FNDC3B: variants seen among roughly 807,000 people sequenced by gnomAD.
The protein encoded by FNDC3B is fibronectin type III domain containing 3B, also known as fibronectin type III domain-containing protein 3B.
Under a neutral mutation model 151.5 loss-of-function variants are expected in FNDC3B, and 12 were observed. That is an observed-to-expected ratio of 0.08 (90% CI 0.05 to 0.13). FNDC3B has a LOEUF of 0.13. Among genes scored for constraint, FNDC3B ranks in the 10% least tolerant of loss-of-function variants. The probability of loss-of-function intolerance (pLI) is 1.00; values close to 1 mark genes in which losing one functional copy is unlikely to be tolerated. For synonymous variants in FNDC3B, 528 were observed against 549.0 expected, an observed-to-expected ratio of 0.96 and a Z score of 0.54; for missense variants, 1,214 against 1,505.3, an observed-to-expected ratio of 0.81 and a Z score of 3.20.
chr3:172,151,040 C>T (rs1367613983), intron 3 of FNDC3B, among the ~76,000 whole-genome samples: 1 of 152,114 alleles, frequency 6.6e-6, no homozygotes, highest in Non-Finnish European at 1.5e-5. Flanking sequence ...AGAAATATGA[C>T]TAATTTGTTT....
intron 4 of FNDC3B, among the ~76,000 whole-genome samples, chr3:172,229,701 A>G (rs1460296165): frequency 2.0e-5 from 3 of 152,220 alleles, no homozygotes; most frequent in African/African-American, 7.2e-5. Context: ...GGTACTTGCT[A>G]AATGTTTCTA....
intron 7 of FNDC3B, among the ~76,000 whole-genome samples, chr3:172,292,839 T>G (rs564318221): frequency 6.6e-6 from 1 of 152,370 alleles, no homozygotes; most frequent in South Asian, 2.1e-4. Context: ...TACTGTTGTA[T>G]GTTGGAAATG....
chr3:172,061,960 C>T (rs977345835), intron 1 of FNDC3B, among the ~76,000 whole-genome samples: 7 of 152,178 alleles, frequency 4.6e-5, no homozygotes, highest in African/African-American at 1.7e-4. Flanking sequence ...CTAGGGGACA[C>T]TTATCAAAAA....
rs573268425 is a variant in FNDC3B at position 172,226,900 on chromosome 3, A to G, written c.217A>G (p.Asn73Asp). 5 of 1,613,234 alleles carry G rather than the reference A, an allele frequency of 3.1e-6. No homozygotes were observed. The African/African-American group carries it at 5.3e-5, about 17-fold the overall frequency. Residue 73 changes from asparagine (N) to aspartate (D), a missense_variant, in exon 4 of 26, where the codon AAT (asparagine) becomes GAT (aspartate). Coordinates refer to ENST00000415807, the MANE Select transcript of FNDC3B (RefSeq NM_022763.4). ...TGCTGAAGTTCCCATGATGTCACCC[A>G]ATGGATCCATTCCTCCCATTCATGT... is the stretch of plus-strand genomic sequence containing the variant. ...GPAEVPMMSPNGSIPPIHVPP... is the reference protein window; with the variant it reads ...GPAEVPMMSPDGSIPPIHVPP...
intron 5 of FNDC3B, 22 bp downstream of exon 5, chr3:172,247,798 T>C: frequency 6.2e-7 from 1 of 1,613,590 alleles, no homozygotes; most frequent in South Asian, 1.1e-5. Flanking sequence ...TTCGTTGGCG[T>C]CAGGAGCCGT....
intron 4 of FNDC3B, among the ~76,000 whole-genome samples, chr3:172,242,429 A>T (rs1359102015): frequency 6.6e-6 from 1 of 152,204 alleles, no homozygotes; most frequent in Non-Finnish European, 1.5e-5. Flanking sequence ...ACATCCAGGC[A>T]TTTCCATACA....
chr3:172,155,309 CT>C (rs1294444735), intron 3 of FNDC3B, among the ~76,000 whole-genome samples: 7 of 152,182 alleles, frequency 4.6e-5, no homozygotes, highest in Admixed American at 3.3e-4. Context: ...CCCTGATTCT[CT>C]TTACAGCTGT....
intron 1 of FNDC3B, among the ~76,000 whole-genome samples, chr3:172,050,990 G>A (rs1166762229): frequency 6.6e-6 from 1 of 151,788 alleles, no homozygotes; most frequent in East Asian, 1.9e-4. Flanking sequence ...AATGATTTTG[G>A]CCTATTCAAA....
At chr3:172,113,768 C>T (rs1258645680) in intron 2 of FNDC3B, among the ~76,000 whole-genome samples, 4 of 152,188 alleles carry the variant, frequency 2.6e-5, no homozygotes, top group Non-Finnish European at 5.9e-5. Flanking sequence ...CTTCCAGTTG[C>T]TACCTTCTGT....
intron 25 of FNDC3B, among the ~76,000 whole-genome samples, chr3:172,385,861 C>A (rs1398006173): frequency 6.6e-6 from 1 of 151,892 alleles, no homozygotes; most frequent in African/African-American, 2.4e-5. Context: ...CCCGGCCCTT[C>A]CCCCAAGCTC....
At chr3:172,296,829 G>A (rs1036841698) in intron 8 of FNDC3B, among the ~76,000 whole-genome samples, 2 of 152,120 alleles carry the variant, frequency 1.3e-5, no homozygotes, top group African/African-American at 4.8e-5. Context: ...CAATATTCAC[G>A]GGATATGAGA....
chr3:172,140,309 G>A (rs757571996), intron 3 of FNDC3B, among the ~76,000 whole-genome samples: 3 of 152,130 alleles, frequency 2.0e-5, no homozygotes, highest in East Asian at 1.9e-4. Flanking sequence ...ATATATTTAC[G>A]TGTGTGTATA....
chr3:172,192,910 G>GTCAAAACTCAAAC (rs1724607942), intron 3 of FNDC3B, among the ~76,000 whole-genome samples: 1 of 151,956 alleles, frequency 6.6e-6, no homozygotes, highest in Non-Finnish European at 1.5e-5. Context: ...TTGAGTTTTT[G>GTCAAAACTCAAAC]TCAAAACTCA....
intron 1 of FNDC3B, among the ~76,000 whole-genome samples, chr3:172,045,810 AC>A (rs1716342008): frequency 6.6e-6 from 1 of 150,934 alleles, no homozygotes; most frequent in African/African-American, 2.4e-5. Flanking sequence ...ATATATATAC[AC>A]TTTGCCTTAA....
At chr3:172,351,847 A>T (rs1328379151) in intron 21 of FNDC3B, among the ~76,000 whole-genome samples, 1 of 152,106 alleles carries the variant, frequency 6.6e-6, no homozygotes, top group Non-Finnish European at 1.5e-5. Context: ...TTTTGTAAGG[A>T]GGGATGGGAT....
chr3:172,394,683 G>A (rs1407182817), intron 25 of FNDC3B, among the ~76,000 whole-genome samples: 1 of 152,104 alleles, frequency 6.6e-6, no homozygotes, highest in African/African-American at 2.4e-5. Context: ...ATCCTTCTCA[G>A]ATTCTTTCAA....
chr3:172,164,548 A>C (rs1467347924), intron 3 of FNDC3B, among the ~76,000 whole-genome samples: 2 of 152,248 alleles, frequency 1.3e-5, no homozygotes, highest in African/African-American at 4.8e-5. Flanking sequence ...AAACTTAAAA[A>C]AACTTAATAG....
At chr3:172,366,817 G>T (rs972762083) in intron 23 of FNDC3B, among the ~76,000 whole-genome samples, 3 of 152,340 alleles carry the variant, frequency 2.0e-5, no homozygotes, top group African/African-American at 7.2e-5. Context: ...CCTCATGCCT[G>T]GGGAGCATTG....
chr3:172,186,954 A>T (rs1724219146), intron 3 of FNDC3B: 1 of 519,502 alleles, frequency 1.9e-6, no homozygotes, highest in East Asian at 3.2e-5. Flanking sequence ...ATACTAGCTA[A>T]AAGCAAGGAA....
Sources: gnomAD v4.1 joint callset for allele counts (sites outside exome capture counted in the v4.1 genomes callset) on GRCh38, gnomAD v4.1.1 for gene constraint, MANE v1.5 for transcripts, NCBI Gene and HGNC (gene_info 2026-07-23, HGNC 2026-07-21) for gene names.